ATP8A1: variants seen among roughly 807,000 people sequenced by gnomAD.
ATP8A1 encodes phospholipid-transporting ATPase IA.
In ATP8A1, 90 loss-of-function variants were observed where a neutral mutation model predicts 177.7. That is an observed-to-expected ratio of 0.51 (90% confidence interval 0.43 to 0.60). The LOEUF (loss-of-function observed/expected upper bound fraction) is 0.60. Ranked by LOEUF, ATP8A1 falls within the 20% of genes least tolerant of loss-of-function variation. The pLI is 0.00. For missense variants in ATP8A1, 1,072 were observed against 1,392.8 expected (o/e 0.77, Z 3.67); for synonymous variants, 493 against 485.9 (o/e 1.01, Z -0.19).
At chr4:42,609,089 A>G (rs1265168867) in intron 5 of ATP8A1, among the ~76,000 whole-genome samples, 2 of 152,182 alleles carry the variant, frequency 1.3e-5, no homozygotes, top group African/African-American at 4.8e-5. Context: ...CAATCATGTA[A>G]TACACATAAT....
intron 20 of ATP8A1, among the ~76,000 whole-genome samples, chr4:42,530,057 G>A (rs945918645): frequency 4.6e-5 from 7 of 152,220 alleles, no homozygotes; most frequent in Non-Finnish European, 7.3e-5. Context: ...CTCAGCAGAG[G>A]AGGAGTTTAA....
intron 1 of ATP8A1, among the ~76,000 whole-genome samples, chr4:42,634,594 A>G (rs930848909): frequency 6.6e-6 from 1 of 152,220 alleles, no homozygotes; most frequent in Admixed American, 6.5e-5. Context: ...TAAGAATGAG[A>G]GAGACTGTTT....
intron 30 of ATP8A1, among the ~76,000 whole-genome samples, chr4:42,446,990 T>C (rs1389493019): frequency 2.0e-5 from 3 of 152,026 alleles, no homozygotes; most frequent in Non-Finnish European, 2.9e-5. Flanking sequence ...ATGAGAGTCA[T>C]AGGGAATCTT....
At chr4:42,553,197 T>C (rs1033572712) in intron 16 of ATP8A1, among the ~76,000 whole-genome samples, 2 of 152,180 alleles carry the variant, frequency 1.3e-5, no homozygotes. Flanking sequence ...AATAGTATAG[T>C]GAGAAAGGCA....
intron 25 of ATP8A1, among the ~76,000 whole-genome samples, chr4:42,467,263 T>C (rs542164223): frequency 6.6e-6 from 1 of 152,266 alleles, no homozygotes; most frequent in Admixed American, 6.5e-5. Flanking sequence ...TATGGTTAAA[T>C]GAGGTGTTAA....
At chr4:42,647,997 C>T (rs1740708641) in intron 1 of ATP8A1, among the ~76,000 whole-genome samples, 1 of 152,004 alleles carries the variant, frequency 6.6e-6, no homozygotes, top group Non-Finnish European at 1.5e-5. Context: ...ATTTTAAAAC[C>T]TACAGAGACA....
intron 5 of ATP8A1, among the ~76,000 whole-genome samples, chr4:42,608,495 G>C (rs1217776294): frequency 6.6e-6 from 1 of 151,958 alleles, no homozygotes; most frequent in Admixed American, 6.6e-5. Flanking sequence ...GAGTAGCTGG[G>C]ATTACAGGTG....
chr4:42,592,875 A>T (rs1006568611), intron 6 of ATP8A1, among the ~76,000 whole-genome samples: 4 of 152,132 alleles, frequency 2.6e-5, no homozygotes, highest in African/African-American at 9.7e-5. Flanking sequence ...CCACCGTTGT[A>T]TATGTGTTTC....
rs1412608936 is a variant in ATP8A1, at chr4:42,411,684, G to A, written c.*1232C>T. The A allele has an allele frequency of 6.6e-6, 1 of 152,052 alleles. No individual in the cohort carries two copies. The highest frequency in any genetic ancestry group is 1.5e-5 in the Non-Finnish European group (1 of 68,026). The allele number at this position is 152,052 out of a possible 1,614,324, so 9.4% of individuals were successfully genotyped here. ...CTAACAAAAGCTACTCATGATGAAC[G>A]TGTCCTCTGACTGTAAAGTTACCGG... On this transcript the variant is annotated 3_prime_UTR_variant, in exon 37 of 37. Transcript: ENST00000381668.
At chr4:42,545,371 G>T (rs1373208869) in intron 19 of ATP8A1, among the ~76,000 whole-genome samples, 1 of 152,096 alleles carries the variant, frequency 6.6e-6, no homozygotes, top group East Asian at 1.9e-4. Flanking sequence ...ACTCATCAAT[G>T]TCCTTGCTCT....
intron 24 of ATP8A1, among the ~76,000 whole-genome samples, chr4:42,502,879 A>G (rs1364619921): frequency 6.6e-6 from 1 of 152,240 alleles, no homozygotes; most frequent in African/African-American, 2.4e-5. Flanking sequence ...CTTGACCTAC[A>G]TATTATTTTG....
chr4:42,481,072 G>A (rs910756593), intron 25 of ATP8A1, among the ~76,000 whole-genome samples: 22 of 152,156 alleles, frequency 1.4e-4, no homozygotes, highest in Admixed American at 6.5e-5. Context: ...GAACTGATGA[G>A]GACCTCAGAA....
At chr4:42,578,709 A>G (rs756053204) in intron 11 of ATP8A1, among the ~76,000 whole-genome samples, 47 of 152,142 alleles carry the variant, frequency 3.1e-4, no homozygotes, top group Non-Finnish European at 5.4e-4. Flanking sequence ...ATAAAATCTC[A>G]ATTGGGTAGA....
At chr4:42,552,248 C>T (rs1271294181) in intron 17 of ATP8A1, among the ~76,000 whole-genome samples, 2 of 152,136 alleles carry the variant, frequency 1.3e-5, no homozygotes, top group African/African-American at 2.4e-5. Flanking sequence ...TAAAAAAGTA[C>T]ATTTTTCACT....
At chr4:42,505,320 C>T (rs1467378566) in intron 23 of ATP8A1, among the ~76,000 whole-genome samples, 1 of 152,138 alleles carries the variant, frequency 6.6e-6, no homozygotes, top group African/African-American at 2.4e-5. Context: ...TTAAATGTTA[C>T]CAGAAACCAC....
intron 1 of ATP8A1, among the ~76,000 whole-genome samples, chr4:42,656,428 G>T (rs571005691): frequency 6.6e-6 from 1 of 152,254 alleles, no homozygotes; most frequent in South Asian, 2.1e-4. Flanking sequence ...AAGCAAACTC[G>T]CTTCGCTGGG....
chr4:42,618,295 C>T (rs1737112815), intron 4 of ATP8A1, among the ~76,000 whole-genome samples: 1 of 152,180 alleles, frequency 6.6e-6, no homozygotes, highest in African/African-American at 2.4e-5. Context: ...CTCCCTGGCC[C>T]TCCTCACTTC....
chr4:42,632,223 A>T (rs540649321), intron 1 of ATP8A1, among the ~76,000 whole-genome samples: 1 of 152,266 alleles, frequency 6.6e-6, no homozygotes, highest in Admixed American at 6.5e-5. Flanking sequence ...AAGGTCTGTA[A>T]CTTCTTAAAA....
chr4:42,495,794 G>T (rs1273778115), intron 24 of ATP8A1, among the ~76,000 whole-genome samples: 1 of 152,032 alleles, frequency 6.6e-6, no homozygotes, highest in Non-Finnish European at 1.5e-5. Context: ...GGTCAAAGAG[G>T]TCCTCCAAAC....
Sources: allele counts gnomAD v4.1 joint callset (sites outside exome capture counted in the v4.1 genomes callset), GRCh38; gene constraint gnomAD v4.1.1; transcripts MANE v1.5; gene names NCBI Gene and HGNC (gene_info 2026-07-23, HGNC 2026-07-21).